Variants in AKIRIN2 observed in about 807,000 individuals in gnomAD.
AKIRIN2 encodes the protein akirin-2.
AKIRIN2 carries 6 observed loss-of-function variants against 29.3 expected under a neutral mutation model. That is an observed-to-expected ratio of 0.20 (90% confidence interval 0.11 to 0.40). AKIRIN2 has a LOEUF of 0.40. AKIRIN2 is among the 10% of genes least tolerant of loss of function. The probability of loss-of-function intolerance (pLI) is 1.00; values close to 1 mark genes in which losing one functional copy is unlikely to be tolerated. For missense variants in AKIRIN2, 210 were observed against 276.1 expected (o/e 0.76, Z 1.70); for synonymous variants, 128 against 117.5 (o/e 1.09, Z -0.58).
chr6:87,698,141 C>G (rs992569849), intron 1 of AKIRIN2, among the ~76,000 whole-genome samples: 7 of 152,110 alleles, frequency 4.6e-5, no homozygotes, highest in African/African-American at 1.7e-4. Flanking sequence ...CTACTAGAGG[C>G]ATTCATTTCA....
At chr6:87,684,240 C>A (rs9294385) in intron 1 of AKIRIN2, among the ~76,000 whole-genome samples, 40,493 of 151,994 alleles carry the variant, frequency 0.27, 5,535 homozygotes, top group Middle Eastern at 0.34. Flanking sequence ...TGTATAATAA[C>A]AACCTCAATT....
intron 1 of AKIRIN2, among the ~76,000 whole-genome samples, chr6:87,687,439 CAAA>C (rs201472497): frequency 9.2e-6 from 1 of 109,152 alleles, no homozygotes; most frequent in Non-Finnish European, 1.9e-5. Context: ...AATTCCGTTT[CAAA>C]AAAAAAAAAA....
In AKIRIN2 at chr6:87,701,917, G is replaced by T; in HGVS notation, c.-233C>A. The T allele has an allele frequency of 2.4e-6, 1 of 413,158 alleles. No individual in the cohort carries two copies. Among genetic ancestry groups the T allele is most frequent in the South Asian group, 8.2e-5 (1 of 12,216 alleles). The allele number at this position is 413,158 out of a possible 1,614,324, so 25.6% of individuals were successfully genotyped here. On this transcript the variant is annotated 5_prime_UTR_variant, in exon 1 of 5. Coordinates refer to ENST00000257787, the MANE Select transcript of AKIRIN2 (RefSeq NM_018064.4). The stretch of plus-strand genomic sequence containing the variant: ...GGGTGAGAGCGGGAGGGGCGGTGGC[G>T]GGCAGAAGCACACGCCAGTCGCGTC...
intron 4 of AKIRIN2, 40 bp from the exon 5 acceptor site, chr6:87,675,647 T>C: frequency 1.9e-6 from 3 of 1,610,642 alleles, no homozygotes; most frequent in Non-Finnish European, 2.5e-6. Flanking sequence ...AAAATACAGG[T>C]CAAAATCCAA....
chr6:87,681,695 A>C lies in AKIRIN2; in HGVS notation c.304T>G (p.Phe102Val). The change falls in exon 2 of 5, where the codon TTC becomes GTC. Residue 102 changes from phenylalanine (F) to valine (V), a missense_variant. By Grantham distance (50) the Phe-to-Val change is conservative. This residue lies in a region of AKIRIN2 where 199 missense variants were observed against 236.5 expected (regional missense o/e 0.84). Transcript: ENST00000257787. ...GTACAACACGGATCTGTCTGTTGGA[A>C]ACTCGTTTCTAAATGTCTTCTCTTC... ...MQKRRHLETS[F>V]QQTDPCCTSD... is the part of the protein sequence containing the mutation. 6.2e-7 allele frequency: 1 copy of C among 1,613,268 alleles called. No individual in the cohort carries two copies. The highest frequency in any genetic ancestry group is 1.1e-5 in the South Asian group (1 of 90,974).
At position 87,701,743 on chromosome 6, in the gene AKIRIN2, G is replaced by C; in HGVS notation, c.-59C>G. 8.1e-7 allele frequency: 1 copy of C among 1,235,414 alleles called. No homozygotes were observed. The highest frequency in any genetic ancestry group is 1.1e-6 in the Non-Finnish European group (1 of 932,496). The allele number at this position is 1,235,414 out of a possible 1,614,324, so 76.5% of individuals were successfully genotyped here. ...GGGTCGGGGACGGGTGACGAAAGAA[G>C]AGGGTGAGGGAAGGGGTGAAGAGCG... On this transcript the variant is annotated 5_prime_UTR_variant, in exon 1 of 5. Coordinates refer to ENST00000257787, the MANE Select transcript of AKIRIN2 (RefSeq NM_018064.4).
chr6:87,692,937 G>A (rs1349461696), intron 1 of AKIRIN2, among the ~76,000 whole-genome samples: 4 of 150,548 alleles, frequency 2.7e-5, no homozygotes, highest in Non-Finnish European at 4.4e-5. Flanking sequence ...TTGTCAAGAA[G>A]GCAATAACTG....
At chr6:87,695,948 C>T (rs1004289990) in intron 1 of AKIRIN2, among the ~76,000 whole-genome samples, 1 of 152,130 alleles carries the variant, frequency 6.6e-6, no homozygotes, top group Non-Finnish European at 1.5e-5. Flanking sequence ...GAGGCTGAAG[C>T]GGGCAGATTG....
intron 1 of AKIRIN2, among the ~76,000 whole-genome samples, chr6:87,684,146 C>G (rs1264675610): frequency 1.3e-5 from 2 of 152,146 alleles, no homozygotes; most frequent in Admixed American, 1.3e-4. Context: ...GTTCTTTTAT[C>G]ACCACATAGC....
In AKIRIN2 at chr6:87,677,810, C is replaced by T; in HGVS notation, c.529+8G>A. ...TTCCTCAGAAACTCTAATAAACACA[C>T]CTCATACCTGCAAGTTTTGTGTTCA... On this transcript the variant is annotated splice_region_variant and intron_variant, in intron 3 of 4. Coordinates refer to ENST00000257787, the MANE Select transcript of AKIRIN2 (RefSeq NM_018064.4). The T allele has an allele frequency of 6.2e-7, 1 of 1,613,016 alleles. No homozygotes were observed. Among genetic ancestry groups the T allele is most frequent in the Non-Finnish European group, 8.5e-7 (1 of 1,179,394 alleles).
At chr6:87,678,910 C>T (rs1381749161) in intron 2 of AKIRIN2, among the ~76,000 whole-genome samples, 1 of 151,886 alleles carries the variant, frequency 6.6e-6, no homozygotes, top group African/African-American at 2.4e-5. Flanking sequence ...CCGAGGCAGG[C>T]GGATCACCTG....
At chr6:87,699,275 T>C (rs1406847793) in intron 1 of AKIRIN2, among the ~76,000 whole-genome samples, 1 of 152,086 alleles carries the variant, frequency 6.6e-6, no homozygotes, top group African/African-American at 2.4e-5. Flanking sequence ...CATTATGACA[T>C]TACAAAAAAC....
intron 1 of AKIRIN2, among the ~76,000 whole-genome samples, chr6:87,688,144 T>C (rs1008131235): frequency 1.1e-4 from 17 of 152,032 alleles, no homozygotes; most frequent in Admixed American, 3.3e-4. Context: ...TTCTTGTTTT[T>C]GTGGGGGGAC....
chr6:87,696,550 T>C (rs560093691), intron 1 of AKIRIN2, among the ~76,000 whole-genome samples: 2 of 144,814 alleles, frequency 1.4e-5, no homozygotes, highest in Admixed American at 6.9e-5. Context: ...AAATACAAAA[T>C]ATTAGCCAGG....
chr6:87,692,966 C>T lies in AKIRIN2; in HGVS notation c.235+8484G>A, dbSNP rs147152349. Among the ~76,000 whole-genome samples the T allele has an allele frequency of 2.3e-3, 354 of 151,512 alleles. 1 individual carries two copies. The highest frequency in any genetic ancestry group is 8.2e-3 in the African/African-American group (338 of 41,288). On this transcript the variant is annotated intron_variant, in intron 1 of 4. Transcript: ENST00000257787. ...ATAACTGGTCGGGCGCAGTGGCTCA[C>T]GCCTGTAATCCCAGCACTTTGGGAG...
At chr6:87,682,754 A>G (rs772818113) in intron 1 of AKIRIN2, among the ~76,000 whole-genome samples, 1 of 152,224 alleles carries the variant, frequency 6.6e-6, no homozygotes, top group Non-Finnish European at 1.5e-5. Flanking sequence ...AGTGGAGTGT[A>G]GCCTTAACAT....
intron 3 of AKIRIN2, among the ~76,000 whole-genome samples, chr6:87,676,814 C>T (rs113500164): frequency 0.012 from 1,844 of 148,732 alleles, 40 homozygotes; most frequent in African/African-American, 0.042. Context: ...TGGTGGCTTA[C>T]GCCTGTAATC....
At chr6:87,682,507 T>A (rs1346592248) in intron 1 of AKIRIN2, among the ~76,000 whole-genome samples, 1 of 152,160 alleles carries the variant, frequency 6.6e-6, no homozygotes, top group Admixed American at 6.5e-5. Flanking sequence ...TAGGCCACTA[T>A]GATTCATTTC....
intron 4 of AKIRIN2, 84 bp from the exon 5 acceptor site, chr6:87,675,691 C>G: frequency 6.4e-7 from 1 of 1,566,440 alleles, no homozygotes; most frequent in Non-Finnish European, 8.7e-7. Flanking sequence ...AATTTTGCCC[C>G]TAGGTATTTA....
Sources: allele counts gnomAD v4.1 joint callset (sites outside exome capture counted in the v4.1 genomes callset), GRCh38; gene constraint gnomAD v4.1.1; regional missense constraint gnomAD v4.1.1; transcripts MANE v1.5; gene names NCBI Gene and HGNC (gene_info 2026-07-23, HGNC 2026-07-21).